DGKG: variants seen among roughly 807,000 people sequenced by gnomAD.
DGKG encodes the protein diacylglycerol kinase gamma.
Under a neutral mutation model 105.3 loss-of-function variants are expected in DGKG, and 78 were observed. The observed-to-expected ratio is 0.74, with a 90% confidence interval of 0.62 to 0.89. DGKG has a LOEUF of 0.89. Ranked by LOEUF, DGKG falls within the 40% of genes least tolerant of loss-of-function variation. DGKG has a pLI of 0.00. For missense variants in DGKG, 958 were observed against 1,020.1 expected (o/e 0.94, Z 0.83); for synonymous variants, 346 against 367.1 (o/e 0.94, Z 0.66).
chr3:186,315,115 G>A (rs893318824), intron 2 of DGKG, among the ~76,000 whole-genome samples: 3 of 152,136 alleles, frequency 2.0e-5, no homozygotes, highest in African/African-American at 7.2e-5. Flanking sequence ...TCAACCAGAT[G>A]ACTAAAGCTG....
intron 5 of DGKG, among the ~76,000 whole-genome samples, chr3:186,294,093 G>A (rs1331200057): frequency 1.3e-5 from 2 of 152,318 alleles, no homozygotes; most frequent in Non-Finnish European, 1.5e-5. Flanking sequence ...TCTCCAGGAG[G>A]AAATCTCTGG....
chr3:186,260,454 C>G lies in DGKG; in HGVS notation c.1409G>C (p.Gly470Ala), dbSNP rs201487065. 1 of 1,612,484 alleles carries G rather than the reference C, an allele frequency of 6.2e-7. No homozygotes were observed. The highest frequency in any genetic ancestry group is 1.1e-5 in the South Asian group (1 of 91,036). The change falls in exon 16 of 25, where the codon GGG becomes GCG. Residue 470 changes from glycine to alanine, a missense_variant. Gly to Ala is a moderately conservative substitution (Grantham distance 60, BLOSUM62 0). This residue lies in a region of DGKG where 643 missense variants were observed against 619.5 expected (regional missense o/e 1.04). Coordinates refer to ENST00000265022, the MANE Select transcript of DGKG (RefSeq NM_001346.3). ...NPKQVFNLDN[G>A]GPTPGLNFFR... Reference sequence around the variant, plus strand: ...ATCTCCATACCCTGGAGTAGGCCCCCCATTGTCCAGGTTGAAAACTTGTTT... The same window carrying G: ...ATCTCCATACCCTGGAGTAGGCCCCGCATTGTCCAGGTTGAAAACTTGTTT...
rs539177174 is a variant in DGKG, at chr3:186,226,445, C to A, written c.1827-14560G>T. Among the ~76,000 whole-genome samples, 46 of 152,204 alleles carry A rather than the reference C, an allele frequency of 3.0e-4. No individual in the cohort carries two copies. Among genetic ancestry groups the A allele is most frequent in the African/African-American group, 9.4e-4 (39 of 41,540 alleles). Reference sequence around the variant, plus strand: ...CACCCCAACCCTGCATATACAGAAACCGTGATTATGAGCAGCCGCTTCCCC... The same window carrying A: ...CACCCCAACCCTGCATATACAGAAAACGTGATTATGAGCAGCCGCTTCCCC... On this transcript the variant is annotated intron_variant, in intron 20 of 24. Transcript: ENST00000265022. The surrounding 1 kb of genome is among the most constrained non-coding windows in gnomAD (Gnocchi z 4.2).
chr3:186,319,220 G>T (rs1724962821), intron 2 of DGKG, among the ~76,000 whole-genome samples: 1 of 152,174 alleles, frequency 6.6e-6, no homozygotes, highest in Admixed American at 6.5e-5. Flanking sequence ...TTAGCCCTAT[G>T]GTCCCCTGTT....
rs147193753 is a variant in DGKG at position 186,344,223 on chromosome 3, TC to T, written c.-249+17722del. On this transcript the variant is annotated intron_variant, in intron 1 of 24. Transcript: ENST00000265022. ...GCAGAACTACCATTGGACCCAGCAA[TC>T]CCATTACTGGGTATGTACCCAGAGG... Among the ~76,000 whole-genome samples the T allele has an allele frequency of 4.7e-3, 711 of 152,282 alleles. 37 individuals carry two copies. In the East Asian group the frequency reaches 0.1, roughly 22 times the overall value.
At chr3:186,215,709 A>G (rs988849740) in intron 20 of DGKG, among the ~76,000 whole-genome samples, 1 of 152,078 alleles carries the variant, frequency 6.6e-6, no homozygotes, top group Non-Finnish European at 1.5e-5. Flanking sequence ...GAGTTATTTT[A>G]GCTTACGGAA....
At chr3:186,211,624 T>C (rs1463118385) in intron 21 of DGKG, among the ~76,000 whole-genome samples, 171 bp downstream of exon 21, 2 of 152,198 alleles carry the variant, frequency 1.3e-5, no homozygotes, top group East Asian at 3.8e-4. Flanking sequence ...GACAGGCCAC[T>C]GGAGCCTTCT....
intron 24 of DGKG, chr3:186,161,001 G>A (rs939238588): frequency 4.9e-5 from 48 of 985,088 alleles, no homozygotes; most frequent in Non-Finnish European, 5.4e-5. Flanking sequence ...ACTGTTCTAC[G>A]TTCTGGGTGA....
intron 1 of DGKG, among the ~76,000 whole-genome samples, chr3:186,342,073 G>A (rs983234060): frequency 2.6e-5 from 4 of 152,274 alleles, no homozygotes; most frequent in East Asian, 3.9e-4. Flanking sequence ...GCTAGATGAC[G>A]AGTTAGTGGG....
In DGKG at chr3:186,320,543, C is replaced by T. The variant is rs1197385935; in HGVS notation, c.-84G>A. ...AGTGGAGGCCCAGCCCAGGGCCTGG[C>T]TCATTGCAGGTTTGCGATGTAAGCC... On this transcript the variant is annotated 5_prime_UTR_variant, in exon 2 of 25. Coordinates refer to ENST00000265022, the MANE Select transcript of DGKG (RefSeq NM_001346.3). 4.4e-6 allele frequency: 7 copies of T among 1,607,936 alleles called. No homozygotes were observed. The highest frequency in any genetic ancestry group is 1.3e-5 in the African/African-American group (1 of 74,826).
chr3:186,353,644 AT>A (rs1726753858), intron 1 of DGKG, among the ~76,000 whole-genome samples: 2 of 96,954 alleles, frequency 2.1e-5, no homozygotes, highest in African/African-American at 6.2e-5. Flanking sequence ...CTATATCTAT[AT>A]CTATGTCTAT....
At chr3:186,323,975 G>C (rs1213251965) in intron 1 of DGKG, among the ~76,000 whole-genome samples, 1 of 150,922 alleles carries the variant, frequency 6.6e-6, no homozygotes, top group Non-Finnish European at 1.5e-5. Flanking sequence ...GGGTGTCGTG[G>C]TGCATGCTTG....
At chr3:186,202,345 T>A (rs1718511227) in intron 21 of DGKG, among the ~76,000 whole-genome samples, 1 of 152,242 alleles carries the variant, frequency 6.6e-6, no homozygotes, top group African/African-American at 2.4e-5. Context: ...CTAAGATTAG[T>A]AAGTTTATGA....
intron 7 of DGKG, among the ~76,000 whole-genome samples, chr3:186,282,291 C>T (rs548513649): frequency 2.0e-5 from 3 of 152,296 alleles, no homozygotes; most frequent in Admixed American, 1.3e-4. Context: ...GAGAAGGAAG[C>T]CCTCTCCAGC....
intron 1 of DGKG, among the ~76,000 whole-genome samples, chr3:186,335,051 A>T (rs1040914114): frequency 3.9e-5 from 6 of 152,196 alleles, no homozygotes; most frequent in Admixed American, 3.9e-4. Flanking sequence ...AAAGCAAATA[A>T]AAGGTGTTGT....
intron 1 of DGKG, among the ~76,000 whole-genome samples, chr3:186,346,739 T>A (rs1424415275): frequency 6.6e-6 from 1 of 152,036 alleles, no homozygotes; most frequent in Admixed American, 6.5e-5. Flanking sequence ...AAATGTATCA[T>A]AATTTTTTTA....
At chr3:186,327,440 G>A (rs940827176) in intron 1 of DGKG, among the ~76,000 whole-genome samples, 4 of 149,050 alleles carry the variant, frequency 2.7e-5, no homozygotes, top group Non-Finnish European at 4.4e-5. Context: ...ATGCTGGAGA[G>A]CAGTAGTGGA....
chr3:186,193,845 G>T (rs746155311), intron 21 of DGKG, among the ~76,000 whole-genome samples: 2 of 152,250 alleles, frequency 1.3e-5, no homozygotes, highest in Non-Finnish European at 2.9e-5. Context: ...GTCCCCGCGC[G>T]CACCGTGGGC....
intron 24 of DGKG, chr3:186,159,950 G>C (rs538107368): frequency 6.5e-6 from 1 of 153,280 alleles, no homozygotes; most frequent in African/African-American, 2.4e-5. Context: ...CAACAAGAAG[G>C]CAGCCGTTGG....
Sources: gnomAD v4.1 joint callset for allele counts (sites outside exome capture counted in the v4.1 genomes callset) on GRCh38, gnomAD v4.1.1 for gene constraint, gnomAD v4.1.1 regional missense constraint, Gnocchi (gnomAD v3.1) non-coding constraint, MANE v1.5 for transcripts, NCBI Gene and HGNC (gene_info 2026-07-23, HGNC 2026-07-21) for gene names.